DAB1: variants seen among roughly 807,000 people sequenced by gnomAD.
The protein encoded by DAB1 is DAB adaptor protein 1, also known as disabled homolog 1.
DAB1 carries 15 observed loss-of-function variants against 64.6 expected under a neutral mutation model. The ratio of observed to expected loss-of-function variants is 0.23; its 90% CI spans 0.16 to 0.36. The LOEUF (loss-of-function observed/expected upper bound fraction) is 0.36, where lower values mean the gene tolerates loss of function less well. DAB1 is among the 10% of genes least tolerant of loss of function. DAB1 has a pLI of 1.00. For synonymous variants in DAB1, 235 were observed against 251.9 expected (o/e 0.93, Z 0.64); for missense variants, 596 against 706.7 (o/e 0.84, Z 1.78).
In DAB1 at chr1:57,079,160, CTT is replaced by C. The variant is rs548362230; in HGVS notation, c.307-6748_307-6747del. On this transcript the variant is annotated intron_variant, in intron 4 of 14. Transcript: ENST00000371236. ...TATGTGTACATAACAAGAGTTCTCT[CTT>C]GAGTGGTGGAATTACTAGTAATTTT... Among the ~76,000 whole-genome samples, 303 of 152,240 alleles carry C rather than the reference CTT, an allele frequency of 2.0e-3. 1 individual carries two copies. Among genetic ancestry groups the C allele is most frequent in the Non-Finnish European group, 3.7e-3 (255 of 68,004 alleles).
At chr1:58,445,734 A>C (rs181975991) in intron 3 of DAB1, among the ~76,000 whole-genome samples, 1 of 152,368 alleles carries the variant, frequency 6.6e-6, no homozygotes, top group East Asian at 1.9e-4. Flanking sequence ...AGGAATACTC[A>C]TCCCTTGTGC....
intron 7 of DAB1, among the ~76,000 whole-genome samples, chr1:57,431,253 C>A (rs763960691): frequency 1.3e-5 from 2 of 150,888 alleles, no homozygotes; most frequent in Non-Finnish European, 2.9e-5. Context: ...CATGCATGAA[C>A]AAATTACAAA....
At chr1:57,891,993 T>C (rs905774609) in intron 5 of DAB1, among the ~76,000 whole-genome samples, 2 of 152,164 alleles carry the variant, frequency 1.3e-5, no homozygotes, top group Non-Finnish European at 2.9e-5. Flanking sequence ...TAAAATATAA[T>C]AAAACAAAAC....
intron 6 of DAB1, among the ~76,000 whole-genome samples, chr1:57,728,399 C>A (rs1254392185): frequency 6.6e-6 from 1 of 152,128 alleles, no homozygotes; most frequent in Non-Finnish European, 1.5e-5. Context: ...CGAGACCATC[C>A]TGGCTAACAC....
chr1:57,110,085 G>A (rs1039007697), intron 4 of DAB1, among the ~76,000 whole-genome samples: 1 of 152,154 alleles, frequency 6.6e-6, no homozygotes. Context: ...TTATGTTAAT[G>A]GGCTATAAGT....
chr1:57,601,175 A>C (rs892538509), intron 7 of DAB1, among the ~76,000 whole-genome samples: 11 of 152,126 alleles, frequency 7.2e-5, no homozygotes, highest in African/African-American at 2.4e-4. Context: ...TAGGGTCTCT[A>C]TACTTCCCGA....
intron 7 of DAB1, among the ~76,000 whole-genome samples, chr1:57,465,333 C>T (rs1309653319): frequency 6.6e-6 from 1 of 152,152 alleles, no homozygotes; most frequent in Non-Finnish European, 1.5e-5. Flanking sequence ...GTAGTTTGGT[C>T]ATCTGTGCTA....
upstream of DAB1, among the ~76,000 whole-genome samples, chr1:57,886,295 A>G (rs1054127669): frequency 6.0e-5 from 9 of 150,778 alleles, no homozygotes; most frequent in Non-Finnish European, 8.8e-5. Flanking sequence ...AGTACCTGGG[A>G]TTTTAGGTGC....
At chr1:58,474,252 G>A (rs931705211) in intron 3 of DAB1, among the ~76,000 whole-genome samples, 3 of 152,200 alleles carry the variant, frequency 2.0e-5, no homozygotes, top group African/African-American at 2.4e-5. Flanking sequence ...CTGAGCTTTC[G>A]AGAGGCTTAG....
intron 4 of DAB1, among the ~76,000 whole-genome samples, chr1:58,156,409 T>G (rs1388627542): frequency 6.6e-6 from 1 of 152,238 alleles, no homozygotes; most frequent in East Asian, 1.9e-4. Flanking sequence ...TAGTTTCTTA[T>G]GGCATGCTAA....
intron 1 of DAB1, among the ~76,000 whole-genome samples, chr1:57,358,080 C>T (rs1570361243): frequency 6.6e-6 from 1 of 152,002 alleles, no homozygotes; most frequent in African/African-American, 2.4e-5. Context: ...TATATAAGAT[C>T]ATGTCATTTG....
chr1:57,914,661 C>T (rs1644699532), intron 5 of DAB1, among the ~76,000 whole-genome samples: 1 of 152,070 alleles, frequency 6.6e-6, no homozygotes, highest in South Asian at 2.1e-4. Context: ...AATGAATGAA[C>T]AGATGAATAA....
intron 1 of DAB1, among the ~76,000 whole-genome samples, chr1:57,323,288 AGAGGGC>A (rs1318544331): frequency 6.6e-6 from 1 of 152,240 alleles, no homozygotes; most frequent in Non-Finnish European, 1.5e-5. Context: ...ACAGCCCAGA[AGAGGGC>A]ACCTTAATCA....
chr1:57,221,822 A>G lies in DAB1; in HGVS notation c.67+69142T>C, dbSNP rs572802411. On this transcript the variant is annotated intron_variant, in intron 2 of 14. Coordinates refer to ENST00000371236, the MANE Select transcript of DAB1 (RefSeq NM_001365792.1). ...CCCCAAGACATCTCCTAACTGCAAC[A>G]TTACCCTCTGCTTCATATTTAAATA... 3.3e-5 allele frequency among the ~76,000 whole-genome samples: 5 copies of G among 152,058 alleles called. No individual in the cohort carries two copies. In the East Asian group the frequency reaches 9.7e-4, roughly 29 times the overall value.
chr1:57,575,727 A>C (rs1412068785), intron 7 of DAB1, among the ~76,000 whole-genome samples: 2 of 152,180 alleles, frequency 1.3e-5, no homozygotes, highest in African/African-American at 4.8e-5. Flanking sequence ...CTTTATGTTT[A>C]TTTCCTTAGC....
intron 7 of DAB1, among the ~76,000 whole-genome samples, chr1:57,541,048 G>A (rs575200830): frequency 6.6e-6 from 1 of 152,038 alleles, no homozygotes; most frequent in Non-Finnish European, 1.5e-5. Context: ...ACTTGATCAT[G>A]ACACGTTCTA....
At chr1:58,505,009 G>A (rs1200073805) in intron 3 of DAB1, among the ~76,000 whole-genome samples, 1 of 151,936 alleles carries the variant, frequency 6.6e-6, no homozygotes, top group Non-Finnish European at 1.5e-5. Flanking sequence ...CTAGAGTGCA[G>A]TGGCACGATC....
At chr1:58,158,904 A>G (rs1655363465) in intron 4 of DAB1, among the ~76,000 whole-genome samples, 1 of 152,214 alleles carries the variant, frequency 6.6e-6, no homozygotes, top group South Asian at 2.1e-4. Flanking sequence ...GAGAAACCCT[A>G]ATGATTAAGC....
chr1:57,924,416 A>C (rs1415498808), intron 5 of DAB1, among the ~76,000 whole-genome samples: 3 of 152,172 alleles, frequency 2.0e-5, no homozygotes, highest in Non-Finnish European at 4.4e-5. Flanking sequence ...TGAACCCCTG[A>C]ATCTCCTAGC....
Sources: allele counts gnomAD v4.1 joint callset (sites outside exome capture counted in the v4.1 genomes callset), GRCh38; gene constraint gnomAD v4.1.1; transcripts MANE v1.5; gene names NCBI Gene and HGNC (gene_info 2026-07-23, HGNC 2026-07-21).